TTC28: variants seen among roughly 807,000 people sequenced by gnomAD.
TTC28 encodes the protein tetratricopeptide repeat domain 28, also known as tetratricopeptide repeat protein 28.
Under a neutral mutation model 198.0 loss-of-function variants are expected in TTC28, and 61 were observed. That is an observed-to-expected ratio of 0.31 (90% CI 0.25 to 0.38). TTC28 has a LOEUF of 0.38. Ranked by LOEUF, TTC28 falls within the 10% of genes least tolerant of loss-of-function variation. TTC28 has a pLI of 1.00. For synonymous variants in TTC28, 1,171 were observed against 1,297.8 expected (o/e 0.90, Z 2.10); for missense variants, 2,678 against 3,164.0 (o/e 0.85, Z 3.69).
At chr22:28,184,864 G>A (rs1397822725) in intron 5 of TTC28, among the ~76,000 whole-genome samples, 1 of 151,992 alleles carries the variant, frequency 6.6e-6, no homozygotes, top group Admixed American at 6.6e-5. Context: ...ATAAGAAAAG[G>A]TATAGGGTAC....
At chr22:28,529,632 G>A (rs2049088138) in intron 2 of TTC28, among the ~76,000 whole-genome samples, 1 of 152,194 alleles carries the variant, frequency 6.6e-6, no homozygotes, top group South Asian at 2.1e-4. Flanking sequence ...CCCCTGAGTA[G>A]CCTAACTGGG....
intron 6 of TTC28, among the ~76,000 whole-genome samples, chr22:28,122,314 G>A (rs892407548): frequency 6.6e-6 from 1 of 152,142 alleles, no homozygotes; most frequent in African/African-American, 2.4e-5. Flanking sequence ...AGAGAAATTG[G>A]TTTTATTATC....
chr22:28,055,712 C>A (rs141546646), intron 12 of TTC28, among the ~76,000 whole-genome samples: 10 of 152,238 alleles, frequency 6.6e-5, no homozygotes, highest in Admixed American at 3.9e-4. Context: ...AGTGCAGGGC[C>A]AAGATTTGCC....
At chr22:28,492,566 G>A (rs1043941250) in intron 2 of TTC28, among the ~76,000 whole-genome samples, 1 of 152,166 alleles carries the variant, frequency 6.6e-6, no homozygotes, top group South Asian at 2.1e-4. Flanking sequence ...TTTTGAAGCT[G>A]TAAAGTCAAT....
rs57398979 is a variant in TTC28, at chr22:28,062,413, CTTTTTTT to C, written c.3932+31660_3932+31666del. Among the ~76,000 whole-genome samples the C allele has an allele frequency of 2.0e-4, 20 of 102,312 alleles. No individual in the cohort carries two copies. In the South Asian group the frequency reaches 3.5e-3, roughly 18 times the overall value. The allele number at this position is 102,312 out of a possible 152,430, so 67.1% of individuals were successfully genotyped here. A position where few individuals can be genotyped will look rare whatever the true frequency, so the allele number is the denominator to read the frequency against. ...GCCCTGTGGATTGTTTTTAACTCTT[CTTTTTTT>C]TTTTTTTTTTTTGGAATTATTTGAA... On this transcript the variant is annotated intron_variant, in intron 12 of 22. Coordinates refer to ENST00000397906, the MANE Select transcript of TTC28 (RefSeq NM_001145418.2).
At chr22:28,658,625 C>T (rs994339983) in intron 1 of TTC28, among the ~76,000 whole-genome samples, 8 of 152,150 alleles carry the variant, frequency 5.3e-5, no homozygotes, top group African/African-American at 1.7e-4. Context: ...AGTTGCACAA[C>T]ATCATGAATG....
intron 5 of TTC28, among the ~76,000 whole-genome samples, chr22:28,223,093 G>C (rs914515469): frequency 3.3e-5 from 5 of 152,142 alleles, no homozygotes; most frequent in African/African-American, 1.2e-4. Context: ...CTGTCCAGAC[G>C]CTCTCAGCAT....
chr22:28,604,297 T>TACATATATATATATATATATATATA lies in TTC28; in HGVS notation c.381+25254_381+25255insTATATATATATATATATATATATGT, dbSNP rs1053139903. ...AGTCTTAAACAGAAAAAAAAAAAAATTATATATATATATATATATATATAT... is the reference window on the plus strand; with the variant it reads ...AGTCTTAAACAGAAAAAAAAAAAAATACATATATATATATATATATATATATATATATATATATATATATATATAT... On this transcript the variant is annotated intron_variant, in intron 2 of 22. Coordinates refer to ENST00000397906, the MANE Select transcript of TTC28 (RefSeq NM_001145418.2). Among the ~76,000 whole-genome samples the TACATATATATATATATATATATATA allele has an allele frequency of 1.9e-3, 221 of 114,086 alleles. 6 individuals carry two copies. The highest frequency in any genetic ancestry group is 7.5e-3 in the African/African-American group (213 of 28,502). 74.8% of individuals were successfully genotyped at this position (114,086 alleles called of 152,430 possible). A position where few individuals can be genotyped will look rare whatever the true frequency, so the allele number is the denominator to read the frequency against.
chr22:28,587,040 G>A (rs2050331473), intron 2 of TTC28, among the ~76,000 whole-genome samples: 1 of 152,162 alleles, frequency 6.6e-6, no homozygotes, highest in Non-Finnish European at 1.5e-5. Flanking sequence ...TGGCCAACAT[G>A]GTGAAACCCT....
At chr22:28,080,112 C>T (rs1941293825) in intron 12 of TTC28, among the ~76,000 whole-genome samples, 1 of 152,130 alleles carries the variant, frequency 6.6e-6, no homozygotes, top group Non-Finnish European at 1.5e-5. Context: ...ATGGACTTTT[C>T]GGTTGCTCCT....
At chr22:28,625,029 A>G (rs2051057219) in intron 2 of TTC28, among the ~76,000 whole-genome samples, 2 of 152,150 alleles carry the variant, frequency 1.3e-5, no homozygotes, top group African/African-American at 2.4e-5. Flanking sequence ...GAAAAAATAG[A>G]CAAAATTTGA....
chr22:28,265,314 A>G (rs1423675491), intron 5 of TTC28, among the ~76,000 whole-genome samples: 1 of 152,166 alleles, frequency 6.6e-6, no homozygotes, highest in Non-Finnish European at 1.5e-5. Flanking sequence ...GGAACTAGTA[A>G]TTACAGTTTT....
intron 2 of TTC28, among the ~76,000 whole-genome samples, chr22:28,341,971 C>T (rs551884690): frequency 1.5e-3 from 233 of 151,950 alleles, no homozygotes; most frequent in Middle Eastern, 0.01. Flanking sequence ...AGAGCAAGAT[C>T]CTGTCGCTTA....
Position 28,601,411 on chromosome 22 carries a change from T to C in TTC28, c.381+28141A>G, listed in dbSNP as rs765554049. On this transcript the variant is annotated intron_variant, in intron 2 of 22. Transcript: ENST00000397906. ...AACCAGCTGTGGACTAAAAACCTTT[T>C]TGAAAAAAAATTGCAGTTGTACTGA... Among the ~76,000 whole-genome samples, 6 of 152,248 alleles carry C rather than the reference T, an allele frequency of 3.9e-5. No homozygotes were observed. In the South Asian group the frequency reaches 6.2e-4, roughly 16 times the overall value.
At chr22:28,140,800 T>G (rs1943313154) in intron 6 of TTC28, among the ~76,000 whole-genome samples, 1 of 152,220 alleles carries the variant, frequency 6.6e-6, no homozygotes, top group Admixed American at 6.5e-5. Flanking sequence ...AAATGACGTT[T>G]TTTTTCCTCA....
At chr22:28,624,192 C>T (rs532921355) in intron 2 of TTC28, among the ~76,000 whole-genome samples, 1 of 152,186 alleles carries the variant, frequency 6.6e-6, no homozygotes, top group Non-Finnish European at 1.5e-5. Flanking sequence ...TGCTGGCTAA[C>T]ACGGTGAAAC....
At chr22:28,217,919 T>C (rs1264076947) in intron 5 of TTC28, among the ~76,000 whole-genome samples, 4 of 152,234 alleles carry the variant, frequency 2.6e-5, no homozygotes, top group Non-Finnish European at 5.9e-5. Context: ...CTTTACACTT[T>C]TTAAAATCCT....
chr22:28,453,339 C>T (rs942714486), intron 2 of TTC28, among the ~76,000 whole-genome samples: 4 of 152,126 alleles, frequency 2.6e-5, no homozygotes, highest in Admixed American at 1.3e-4. Context: ...TCTATTCTGT[C>T]TATAATTATT....
intron 2 of TTC28, among the ~76,000 whole-genome samples, chr22:28,544,705 G>C (rs925053589): frequency 4.6e-5 from 7 of 152,136 alleles, no homozygotes; most frequent in Non-Finnish European, 1.0e-4. Flanking sequence ...AAACCAAGAT[G>C]GCCCCAAAAG....
Sources: gnomAD v4.1 joint callset for allele counts (sites outside exome capture counted in the v4.1 genomes callset) on GRCh38, gnomAD v4.1.1 for gene constraint, MANE v1.5 for transcripts, NCBI Gene and HGNC (gene_info 2026-07-23, HGNC 2026-07-21) for gene names.